CA6: variants seen among roughly 807,000 people sequenced by gnomAD.
CA6 encodes the protein carbonic anhydrase 6, also known as carbonate dehydratase VI.
A neutral mutation model predicts 35.9 loss-of-function variants in CA6; 28 were observed. The ratio of observed to expected loss-of-function variants is 0.78; its 90% CI spans 0.58 to 1.07. The LOEUF is 1.07. Among genes scored for constraint, CA6 ranks in the 50% least tolerant of loss-of-function variants. The pLI is 0.00. For synonymous variants in CA6, 148 were observed against 152.6 expected (o/e 0.97, Z 0.22); for missense variants, 377 against 382.0 (o/e 0.99, Z 0.11).
At chr1:8,949,609 A>G (rs1344469942) in intron 2 of CA6, among the ~76,000 whole-genome samples, 167 bp downstream of exon 2, 1 of 151,944 alleles carries the variant, frequency 6.6e-6, no homozygotes, top group African/African-American at 2.4e-5. Flanking sequence ...TGGCCCCGAA[A>G]CCTAGTGGCT....
At chr1:8,973,776 CTTTCT>C (rs1557635803) in intron 7 of CA6, among the ~76,000 whole-genome samples, 6 of 17,236 alleles carry the variant, frequency 3.5e-4, no homozygotes, top group African/African-American at 3.9e-4. Context: ...TTCTTTCTTT[CTTTCT>C]TTCTTTTCCC....
chr1:8,965,243 C>T (rs1183168679), intron 5 of CA6, among the ~76,000 whole-genome samples: 24 of 152,066 alleles, frequency 1.6e-4, no homozygotes. Flanking sequence ...AACAACATCT[C>T]AAACAACGAC....
intron 1 of CA6, among the ~76,000 whole-genome samples, chr1:8,948,661 C>T (rs759044900): frequency 6.6e-6 from 1 of 151,838 alleles, no homozygotes; most frequent in Non-Finnish European, 1.5e-5. Context: ...CAAACGAGAG[C>T]AAAAATTTAC....
At chr1:8,971,276 C>T (rs532310180) in intron 7 of CA6, among the ~76,000 whole-genome samples, 7 of 151,578 alleles carry the variant, frequency 4.6e-5, no homozygotes, top group Admixed American at 2.0e-4. Flanking sequence ...CCACAACATC[C>T]GGAAGCTCTC....
At chr1:8,973,720 CTT>C (rs1353733293) in intron 7 of CA6, among the ~76,000 whole-genome samples, 1 of 12,392 alleles carries the variant, frequency 8.1e-5, no homozygotes, top group African/African-American at 4.6e-4. Flanking sequence ...CTCTTTCTTT[CTT>C]TCTTTCTTTC....
intron 2 of CA6, among the ~76,000 whole-genome samples, chr1:8,950,320 T>A (rs1483586709): frequency 6.6e-6 from 1 of 151,990 alleles, no homozygotes; most frequent in Non-Finnish European, 1.5e-5. Flanking sequence ...TTGTGCAGAA[T>A]ATCCTCCTGA....
At chr1:8,954,362 G>A (rs965286372) in intron 2 of CA6, among the ~76,000 whole-genome samples, 4 of 152,112 alleles carry the variant, frequency 2.6e-5, no homozygotes, top group Admixed American at 6.5e-5. Flanking sequence ...ACGGGGTTTC[G>A]CCATGTCGGC....
intron 6 of CA6, among the ~76,000 whole-genome samples, chr1:8,968,460 T>G (rs758038220): frequency 6.6e-6 from 1 of 151,802 alleles, no homozygotes; most frequent in Non-Finnish European, 1.5e-5. Context: ...TAAAGTTACT[T>G]GAAATTAGCT....
intron 7 of CA6, among the ~76,000 whole-genome samples, chr1:8,973,764 C>CT (rs748354107): frequency 1.3e-4 from 3 of 22,422 alleles, no homozygotes; most frequent in African/African-American, 1.1e-3. Flanking sequence ...TTCTTTCTTT[C>CT]TTTCTTTCTT....
intron 5 of CA6, among the ~76,000 whole-genome samples, chr1:8,965,186 G>T (rs1639938007): frequency 6.6e-6 from 1 of 152,182 alleles, no homozygotes; most frequent in Non-Finnish European, 1.5e-5. Flanking sequence ...GGAGGTTGTA[G>T]TGAGCTGAGA....
At position 8,963,908 on chromosome 1, in the gene CA6, T is replaced by G. The variant is rs1017406299; in HGVS notation, c.571+1252T>G. Among the ~76,000 whole-genome samples the G allele has an allele frequency of 6.6e-6, 1 of 152,216 alleles. No homozygotes were observed. The highest frequency in any genetic ancestry group is 2.4e-5 in the African/African-American group (1 of 41,450). ...GCCCAGAAATCCTAAAGTATCACGC[T>G]GGGCATTTTCTTTCTGACCTCCCAA... On this transcript the variant is annotated intron_variant, in intron 5 of 7. Transcript: ENST00000377443. This position sits in a 1 kb window ranked among gnomAD's most constrained non-coding sequence, Gnocchi z 4.1.
At chr1:8,949,237 C>T in intron 1 of CA6, 26 bp from the exon 2 acceptor site, 2 of 1,560,970 alleles carry the variant, frequency 1.3e-6, no homozygotes, top group African/African-American at 1.4e-5. Context: ...CAGGCAGCCC[C>T]TTGAACTGTG....
intron 5 of CA6, among the ~76,000 whole-genome samples, chr1:8,965,398 A>G (rs1639944063): frequency 6.6e-6 from 1 of 152,126 alleles, no homozygotes; most frequent in African/African-American, 2.4e-5. Context: ...TACCCATTCA[A>G]CAGTTACTCC....
At chr1:8,958,474 A>C (rs1360188488) in intron 3 of CA6, among the ~76,000 whole-genome samples, 2 of 152,148 alleles carry the variant, frequency 1.3e-5, no homozygotes, top group Non-Finnish European at 2.9e-5. Flanking sequence ...GGACTGTGTT[A>C]GATTTTCTGA....
chr1:8,968,086 G>A (rs1482048027), intron 6 of CA6, among the ~76,000 whole-genome samples: 1 of 149,092 alleles, frequency 6.7e-6, no homozygotes, highest in Non-Finnish European at 1.5e-5. Flanking sequence ...TCCTGCCTCA[G>A]CCTCCCGAGT....
At chr1:8,973,055 C>T (rs140727272) in intron 7 of CA6, among the ~76,000 whole-genome samples, 1,832 of 152,224 alleles carry the variant, frequency 0.012, 21 homozygotes, top group Middle Eastern at 0.041. Flanking sequence ...CTCACTCTGT[C>T]GCCCAGGCTG....
intron 5 of CA6, among the ~76,000 whole-genome samples, chr1:8,964,175 C>T (rs1639911036): frequency 6.6e-6 from 1 of 152,230 alleles, no homozygotes; most frequent in African/African-American, 2.4e-5. Context: ...CAACCCCACT[C>T]CTCTCCCATG....
chr1:8,950,528 C>T (rs11121275), intron 2 of CA6, among the ~76,000 whole-genome samples: 5,753 of 151,976 alleles, frequency 0.038, 424 homozygotes, highest in African/African-American at 0.13. Context: ...TCTCTCACTC[C>T]TGCTTGGGTT....
At chr1:8,950,845 A>G (rs2124235012) in intron 2 of CA6, among the ~76,000 whole-genome samples, 1 of 151,640 alleles carries the variant, frequency 6.6e-6, no homozygotes, top group East Asian at 1.9e-4. Flanking sequence ...CACCCTGGGC[A>G]ACAGAGCGAG....
Sources: gnomAD v4.1 joint callset for allele counts (sites outside exome capture counted in the v4.1 genomes callset) on GRCh38, gnomAD v4.1.1 for gene constraint, Gnocchi (gnomAD v3.1) non-coding constraint, MANE v1.5 for transcripts, NCBI Gene and HGNC (gene_info 2026-07-23, HGNC 2026-07-21) for gene names.